The following CCDC47 variants were observed in gnomAD, a reference collection of about 807,000 sequenced individuals.
The protein encoded by CCDC47 is PAT complex subunit CCDC47.
CCDC47 carries 41 observed loss-of-function variants against 60.5 expected under a neutral mutation model. That is an observed-to-expected ratio of 0.68 (90% CI 0.53 to 0.88). The LOEUF is 0.88. Among genes scored for constraint, CCDC47 ranks in the 40% least tolerant of loss-of-function variants. CCDC47 has a pLI of 0.00. For missense variants in CCDC47, 513 were observed against 580.9 expected (o/e 0.88, Z 1.20); for synonymous variants, 195 against 190.7 (o/e 1.02, Z -0.18).
rs199587583 is a variant in CCDC47 at position 63,764,857 on chromosome 17, T to C, written c.265-10A>G. 7.5e-6 allele frequency: 12 copies of C among 1,608,070 alleles called. No homozygotes were observed. In the East Asian group the frequency reaches 1.6e-4, roughly 21 times the overall value. ...TCTCAGTATCTCCCTCCTACAAAAA[T>C]GAGGCATCATCCGTTTTCCTCTACA... On this transcript the variant is annotated splice_polypyrimidine_tract_variant and intron_variant, in intron 2 of 12. Transcript: ENST00000225726.
Position 63,766,197 on chromosome 17 carries a change from TA to T in CCDC47, c.-19-4del, listed in dbSNP as rs568139326. The stretch of plus-strand genomic sequence containing the variant: ...TCATTGCACCTTGAGAAAAAAAGCT[TA>T]AAAAAAAAGAGAACCCCAAAATGGA... On this transcript the variant is annotated splice_polypyrimidine_tract_variant and splice_region_variant and intron_variant, in intron 1 of 12. Coordinates refer to ENST00000225726, the MANE Select transcript of CCDC47 (RefSeq NM_020198.3). 57 of 1,572,660 alleles carry T rather than the reference TA, an allele frequency of 3.6e-5. 1 individual carries two copies. Among genetic ancestry groups the T allele is most frequent in the Middle Eastern group, 1.7e-4 (1 of 5,848 alleles).
intron 1 of CCDC47, among the ~76,000 whole-genome samples, chr17:63,769,486 C>T (rs564001126): frequency 1.1e-4 from 16 of 150,674 alleles, no homozygotes; most frequent in African/African-American, 3.7e-4. Flanking sequence ...TGGTGACAGG[C>T]GCCTGTAATC....
intron 8 of CCDC47, among the ~76,000 whole-genome samples, chr17:63,755,893 C>T (rs2039201631): frequency 6.9e-6 from 1 of 145,420 alleles, no homozygotes; most frequent in Non-Finnish European, 1.5e-5. Flanking sequence ...GCTCTCTACA[C>T]ATCCCTCTTC....
At chr17:63,761,737 C>T in intron 4 of CCDC47, 1 of 732,346 alleles carries the variant, frequency 1.4e-6, no homozygotes, top group Non-Finnish European at 1.7e-6. Flanking sequence ...CCTCACGTTC[C>T]TCTACCCTGA....
At position 63,752,629 on chromosome 17, in the gene CCDC47, C is replaced by T. The variant is rs3785572; in HGVS notation, c.1093+112G>A. 705,879 of 1,109,928 alleles carry T rather than the reference C, an allele frequency of 0.64. 228,337 individuals are homozygous for T. The highest frequency in any genetic ancestry group is 0.9 in the African/African-American group (56,532 of 62,616). The allele number at this position is 1,109,928 out of a possible 1,614,324, so 68.8% of individuals were successfully genotyped here. A position where few individuals can be genotyped will look rare whatever the true frequency, so the allele number is the denominator to read the frequency against. ...AAATCTGGAAATCAGTAAGCAAGCACAGGCTTATAGTTTTGACGTAGTTTT... is the reference window on the plus strand; with the variant it reads ...AAATCTGGAAATCAGTAAGCAAGCATAGGCTTATAGTTTTGACGTAGTTTT... On this transcript the variant is annotated intron_variant, in intron 10 of 12. Coordinates refer to ENST00000225726, the MANE Select transcript of CCDC47 (RefSeq NM_020198.3).
intron 8 of CCDC47, 41 bp from the exon 9 acceptor site, chr17:63,754,559 A>G: frequency 7.6e-7 from 1 of 1,312,246 alleles, no homozygotes; most frequent in African/African-American, 1.5e-5. Flanking sequence ...GCAAGGTTTA[A>G]TGCATTTCCC....
At chr17:63,753,184 A>G in intron 9 of CCDC47, 5 of 662,916 alleles carry the variant, frequency 7.5e-6, no homozygotes, top group Non-Finnish European at 9.3e-6. Context: ...TCTTCCTATA[A>G]CAAGGCATCT....
Position 63,773,466 on chromosome 17 carries a change from G to C in CCDC47, c.-74C>G, listed in dbSNP as rs1203080438. Reference sequence around the variant, plus strand: ...GCCCTGCGTCCGACACCCCTGCCCGGCCTGCCTCTCGGCCTGGCCGCCGCC... The same window carrying C: ...GCCCTGCGTCCGACACCCCTGCCCGCCCTGCCTCTCGGCCTGGCCGCCGCC... On this transcript the variant is annotated 5_prime_UTR_variant, in exon 1 of 13. Coordinates refer to ENST00000225726, the MANE Select transcript of CCDC47 (RefSeq NM_020198.3). The C allele has an allele frequency of 6.5e-6, 1 of 153,088 alleles. No homozygotes were observed. Among genetic ancestry groups the C allele is most frequent in the Non-Finnish European group, 1.5e-5 (1 of 68,762 alleles). The allele number at this position is 153,088 out of a possible 1,614,324, so 9.5% of individuals were successfully genotyped here.
intron 12 of CCDC47, among the ~76,000 whole-genome samples, chr17:63,748,625 CAT>C (rs1331260780): frequency 2.6e-5 from 4 of 152,090 alleles, no homozygotes; most frequent in Admixed American, 6.6e-5. Context: ...ATATTACACA[CAT>C]GTGTAAAACT....
At chr17:63,752,632 G>T in intron 10 of CCDC47, 109 bp downstream of exon 10, 1 of 1,153,310 alleles carries the variant, frequency 8.7e-7, no homozygotes, top group Non-Finnish European at 1.2e-6. Flanking sequence ...GCAAGCACAG[G>T]CTTATAGTTT....
intron 6 of CCDC47, 70 bp from the exon 7 acceptor site, chr17:63,756,640 C>A (rs773553269): frequency 1.9e-6 from 2 of 1,047,548 alleles, no homozygotes; most frequent in Non-Finnish European, 1.5e-6. Context: ...TTCTAAATGA[C>A]CCTTAAGATT....
rs753941962 is a variant in CCDC47 at position 63,752,284 on chromosome 17, G to A, written c.1203+36C>T. The stretch of plus-strand genomic sequence containing the variant: ...TCCCCCTTGAGAAGAAACAAAAAAA[G>A]GTGCCAATTTATATAATACAGGCAT... On this transcript the variant is annotated intron_variant, in intron 11 of 12. Transcript: ENST00000225726. 4.7e-6 allele frequency: 7 copies of A among 1,503,584 alleles called. No individual in the cohort carries two copies. In the East Asian group the frequency reaches 1.6e-4, roughly 34 times the overall value. The allele number at this position is 1,503,584 out of a possible 1,614,324, so 93.1% of individuals were successfully genotyped here. A position where few individuals can be genotyped will look rare whatever the true frequency, so the allele number is the denominator to read the frequency against.
At chr17:63,756,823 T>G (rs2039211229) in intron 6 of CCDC47, among the ~76,000 whole-genome samples, 1 of 152,128 alleles carries the variant, frequency 6.6e-6, no homozygotes, top group Non-Finnish European at 1.5e-5. Flanking sequence ...AAGCAAGTCC[T>G]TAAAAGGGAC....
Position 63,754,507 on chromosome 17 carries a change from A to G in CCDC47, c.960T>C (p.Phe320=). 1.2e-6 allele frequency: 2 copies of G among 1,601,014 alleles called. No homozygotes were observed. The highest frequency in any genetic ancestry group is 1.7e-6 in the Non-Finnish European group (2 of 1,172,960). ...DGMMDTKMVH[F]LTHYADKIES... ...CAATCTTGTCAGCATAGTGTGTAAG[A>G]AAGTGAACCATCTGAAAAAAAGAAA... Residue 320 remains phenylalanine (F), a synonymous_variant, in exon 9 of 13, where the codon TTT becomes TTC. Coordinates refer to ENST00000225726, the MANE Select transcript of CCDC47 (RefSeq NM_020198.3).
intron 10 of CCDC47, 84 bp from the exon 11 acceptor site, chr17:63,752,513 T>A (rs956428163): frequency 8.9e-5 from 83 of 935,490 alleles, no homozygotes; most frequent in Non-Finnish European, 1.3e-4. Flanking sequence ...TTTTTTAATC[T>A]TAAGAGACTC....
chr17:63,764,981 T>C (rs2039286669), intron 2 of CCDC47, 134 bp from the exon 3 acceptor site: 4 of 1,424,306 alleles, frequency 2.8e-6, no homozygotes, highest in Non-Finnish European at 3.7e-6. Flanking sequence ...TTACATGTTT[T>C]TAACAAAACG....
At chr17:63,769,509 G>T (rs1196536877) in intron 1 of CCDC47, among the ~76,000 whole-genome samples, 1 of 151,442 alleles carries the variant, frequency 6.6e-6, no homozygotes, top group Non-Finnish European at 1.5e-5. Context: ...AGCTACTTGG[G>T]AGGCTGAGGC....
At chr17:63,761,773 T>C (rs2039263364) in intron 4 of CCDC47, 4 of 952,892 alleles carry the variant, frequency 4.2e-6, no homozygotes, top group Non-Finnish European at 3.7e-6. Context: ...AGCTTCAGAG[T>C]AGCAATACTT....
chr17:63,770,690 T>C (rs1208896220), intron 1 of CCDC47, among the ~76,000 whole-genome samples: 1 of 151,990 alleles, frequency 6.6e-6, no homozygotes, highest in Non-Finnish European at 1.5e-5. Context: ...CTCAAGAAAT[T>C]AAATGCTCTT....
Sources: gnomAD v4.1 joint callset for allele counts (sites outside exome capture counted in the v4.1 genomes callset) on GRCh38, gnomAD v4.1.1 for gene constraint, MANE v1.5 for transcripts, NCBI Gene and HGNC (gene_info 2026-07-23, HGNC 2026-07-21) for gene names.